ZBTB7C: variants seen among roughly 807,000 people sequenced by gnomAD.
The protein encoded by ZBTB7C is zinc finger and BTB domain-containing protein 7C.
In ZBTB7C, 8 loss-of-function variants were observed where a neutral mutation model predicts 25.7. The ratio of observed to expected loss-of-function variants is 0.31; its 90% CI spans 0.18 to 0.56. The LOEUF (loss-of-function observed/expected upper bound fraction) is 0.56. ZBTB7C is among the 20% of genes least tolerant of loss of function. ZBTB7C has a pLI of 0.91. For missense variants in ZBTB7C, 824 were observed against 855.2 expected (o/e 0.96, Z 0.46); for synonymous variants, 394 against 369.0 (o/e 1.07, Z -0.78).
intron 2 of ZBTB7C, among the ~76,000 whole-genome samples, chr18:48,244,373 C>A (rs956892558): frequency 2.0e-5 from 3 of 152,070 alleles, no homozygotes; most frequent in Non-Finnish European, 4.4e-5. Context: ...AGAGATTGCG[C>A]CACTGCACTC....
At chr18:48,066,548 C>A (rs2144361928) in intron 3 of ZBTB7C, among the ~76,000 whole-genome samples, 1 of 152,250 alleles carries the variant, frequency 6.6e-6, no homozygotes, top group East Asian at 1.9e-4. Context: ...TTATAGATAA[C>A]AACGGGACCT....
rs114938084 is a variant in ZBTB7C at position 48,159,934 on chromosome 18, C to A, written c.-17+26000G>T. Among the ~76,000 whole-genome samples the A allele has an allele frequency of 2.0e-5, 3 of 152,288 alleles. No homozygotes were observed. In the East Asian group the frequency reaches 5.8e-4, roughly 29 times the overall value. ...CTCTTCACACAGTGCCTGGCAGGGCCGCAGGATGACAAGAACCCCTGCAGG... is the reference window on the plus strand; with the variant it reads ...CTCTTCACACAGTGCCTGGCAGGGCAGCAGGATGACAAGAACCCCTGCAGG... On this transcript the variant is annotated intron_variant, in intron 3 of 4. Coordinates refer to ENST00000590800, the MANE Select transcript of ZBTB7C (RefSeq NM_001318841.2).
intron 2 of ZBTB7C, among the ~76,000 whole-genome samples, chr18:48,202,475 G>A (rs1455167769): frequency 6.6e-6 from 1 of 151,840 alleles, no homozygotes; most frequent in East Asian, 1.9e-4. Context: ...AAAACCAGGT[G>A]GGGGGCGGGG....
intron 2 of ZBTB7C, among the ~76,000 whole-genome samples, chr18:48,240,668 C>A (rs1019027215): frequency 6.6e-6 from 1 of 152,126 alleles, no homozygotes; most frequent in Non-Finnish European, 1.5e-5. Flanking sequence ...CCACTCCAAG[C>A]CAGCACTACA....
At chr18:48,404,685 T>C (rs1317736595) in intron 1 of ZBTB7C, among the ~76,000 whole-genome samples, 4 of 152,208 alleles carry the variant, frequency 2.6e-5, no homozygotes, top group Non-Finnish European at 5.9e-5. Flanking sequence ...GAACCCCATC[T>C]CTTTTTATCT....
At chr18:48,314,576 C>A (rs981541803) in intron 2 of ZBTB7C, among the ~76,000 whole-genome samples, 1 of 152,190 alleles carries the variant, frequency 6.6e-6, no homozygotes, top group African/African-American at 2.4e-5. Flanking sequence ...TGGCCAAGAG[C>A]TGCTAGGACT....
At chr18:48,357,491 C>T (rs746329907) in intron 1 of ZBTB7C, among the ~76,000 whole-genome samples, 13 of 152,222 alleles carry the variant, frequency 8.5e-5, no homozygotes, top group Non-Finnish European at 1.5e-4. Flanking sequence ...AACAAGCCTG[C>T]TCAGCGCTCA....
At chr18:48,144,211 G>A (rs990376448) in intron 3 of ZBTB7C, among the ~76,000 whole-genome samples, 2 of 152,000 alleles carry the variant, frequency 1.3e-5, no homozygotes, top group African/African-American at 2.4e-5. Context: ...GCCGGGAGGC[G>A]GAGGTTGCAG....
intron 2 of ZBTB7C, among the ~76,000 whole-genome samples, chr18:48,300,127 T>C (rs1362888777): frequency 1.3e-5 from 2 of 152,022 alleles, no homozygotes; most frequent in African/African-American, 2.4e-5. Flanking sequence ...GGAGCGGAGG[T>C]TCTAACTTCA....
intron 1 of ZBTB7C, among the ~76,000 whole-genome samples, chr18:48,356,748 A>C (rs2046985693): frequency 6.6e-6 from 1 of 152,204 alleles, no homozygotes; most frequent in Admixed American, 6.5e-5. Flanking sequence ...CGGACAATTC[A>C]AGAAATGATC....
At chr18:48,321,207 T>C in intron 2 of ZBTB7C, among the ~76,000 whole-genome samples, 1 of 152,156 alleles carries the variant, frequency 6.6e-6, no homozygotes, top group Non-Finnish European at 1.5e-5. Flanking sequence ...GGTGGCCTGG[T>C]CTAGCTCCCC....
intron 3 of ZBTB7C, among the ~76,000 whole-genome samples, chr18:48,175,480 T>A (rs1490779783): frequency 1.3e-5 from 2 of 152,194 alleles, no homozygotes; most frequent in Non-Finnish European, 2.9e-5. Context: ...GATTCACAAT[T>A]TCTAAAATAC....
chr18:48,411,548 T>C (rs543734100), upstream of ZBTB7C, among the ~76,000 whole-genome samples: 1 of 152,258 alleles, frequency 6.6e-6, no homozygotes, highest in Non-Finnish European at 1.5e-5. Flanking sequence ...CCAGCTGATA[T>C]GGCCCCGCTT....
chr18:48,027,925 C>CT lies in ZBTB7C; in HGVS notation c.*1334dup, dbSNP rs1293246254. On this transcript the variant is annotated 3_prime_UTR_variant, in exon 5 of 5. Coordinates refer to ENST00000590800, the MANE Select transcript of ZBTB7C (RefSeq NM_001318841.2). The stretch of plus-strand genomic sequence containing the variant: ...AGAACCAGGAGAACATGTGACAACT[C>CT]TAACTCACAGAGCCCTTCAAACCTC... 6.6e-6 allele frequency: 1 copy of CT among 152,268 alleles called. No homozygotes were observed. Among genetic ancestry groups the CT allele is most frequent in the Non-Finnish European group, 1.5e-5 (1 of 68,114 alleles). The allele number at this position is 152,268 out of a possible 1,614,324, so 9.4% of individuals were successfully genotyped here. A position where few individuals can be genotyped will look rare whatever the true frequency, so the allele number is the denominator to read the frequency against.
intron 3 of ZBTB7C, among the ~76,000 whole-genome samples, chr18:48,106,412 C>A (rs1568223063): frequency 1.3e-5 from 2 of 151,000 alleles, no homozygotes; most frequent in African/African-American, 4.9e-5. Flanking sequence ...AGGCTAGGGG[C>A]AGCTGTAAAG....
intron 2 of ZBTB7C, among the ~76,000 whole-genome samples, chr18:48,188,741 G>A (rs1256265886): frequency 5.9e-5 from 9 of 151,972 alleles, no homozygotes; most frequent in African/African-American, 2.2e-4. Flanking sequence ...TGTGTCCCCT[G>A]TCTGCTCTCC....
intron 2 of ZBTB7C, among the ~76,000 whole-genome samples, chr18:48,261,082 T>A (rs1165685132): frequency 6.6e-6 from 1 of 152,216 alleles, no homozygotes; most frequent in African/African-American, 2.4e-5. Context: ...CTGCCATTGA[T>A]TGACTCAGGA....
chr18:48,165,408 C>G, intron 3 of ZBTB7C: 1 of 336,998 alleles, frequency 3.0e-6, no homozygotes, highest in South Asian at 2.3e-5. Context: ...CCCAAGTCCT[C>G]CTCTGTATTC....
chr18:48,383,594 G>T (rs879484725), intron 1 of ZBTB7C, among the ~76,000 whole-genome samples: 21 of 152,128 alleles, frequency 1.4e-4, no homozygotes, highest in Non-Finnish European at 2.5e-4. Flanking sequence ...AAACTGATGG[G>T]GCTTAAGGAT....
Sources: gnomAD v4.1 joint callset for allele counts (sites outside exome capture counted in the v4.1 genomes callset) on GRCh38, gnomAD v4.1.1 for gene constraint, MANE v1.5 for transcripts, NCBI Gene and HGNC (gene_info 2026-07-23, HGNC 2026-07-21) for gene names.